LPA: variants seen among roughly 807,000 people sequenced by gnomAD.
LPA encodes the protein lipoprotein(a).
A neutral mutation model predicts 197.9 loss-of-function variants in LPA; 199 were observed. That is an observed-to-expected ratio of 1.01 (90% CI 0.90 to 1.13). LPA has a LOEUF of 1.13. LPA is among the 50% of genes most tolerant of loss of function. The pLI is 0.00. For missense variants in LPA, 1,853 were observed against 1,785.8 expected, an observed-to-expected ratio of 1.04 and a Z score of -0.68; for synonymous variants, 715 against 639.5, an observed-to-expected ratio of 1.12 and a Z score of -1.78.
chr6:160,605,182 C>T lies in LPA; in HGVS notation c.2809G>A (p.Val937Met). 1.2e-6 allele frequency: 2 copies of T among 1,613,852 alleles called. No homozygotes were observed. The highest frequency in any genetic ancestry group is 1.7e-6 in the Non-Finnish European group (2 of 1,179,884). Residue 937 changes from valine to methionine, a missense_variant, in exon 18 of 39, where the codon GTG (valine) becomes ATG (methionine). Val to Met is a conservative substitution (Grantham distance 21). Coordinates refer to ENST00000316300, the MANE Select transcript of LPA (RefSeq NM_005577.4). Reference protein sequence around the residue: ...EQAPTEQRPGVQECYHGNGQS... With the variant: ...EQAPTEQRPGMQECYHGNGQS... ...CCATTTCCGTGGTAGCACTCCTGCA[C>T]CCCAGGCCTTTGCTCAGTTGGTGCT... is the stretch of plus-strand genomic sequence containing the variant.
intron 28 of LPA, 50 bp from the exon 29 acceptor site, chr6:160,557,621 G>A: frequency 1.3e-6 from 2 of 1,523,328 alleles, no homozygotes; most frequent in Non-Finnish European, 1.8e-6. Context: ...AAAAATTCAG[G>A]GGCACCCAGC....
intron 16 of LPA, among the ~76,000 whole-genome samples, chr6:160,611,193 C>T (rs73596849): frequency 0.017 from 2,652 of 152,232 alleles, 79 homozygotes; most frequent in African/African-American, 0.059. Context: ...AAGGCAAACA[C>T]AATCTTCCCT....
At chr6:160,609,041 T>C (rs1242809741) in intron 16 of LPA, among the ~76,000 whole-genome samples, 1 of 152,176 alleles carries the variant, frequency 6.6e-6, no homozygotes, top group Non-Finnish European at 1.5e-5. Flanking sequence ...TAGTCAATAC[T>C]GTTACTTTCT....
intron 35 of LPA, among the ~76,000 whole-genome samples, chr6:160,540,899 A>T (rs1320709515): frequency 6.6e-6 from 1 of 152,056 alleles, no homozygotes; most frequent in South Asian, 2.1e-4. Context: ...TCCCTCTAGA[A>T]ACACTTCCCT....
chr6:160,602,933 CT>C (rs1343285590), intron 18 of LPA, among the ~76,000 whole-genome samples: 2 of 147,714 alleles, frequency 1.4e-5, no homozygotes, highest in Admixed American at 6.8e-5. Context: ...TGAGATGTTT[CT>C]TGTTATTATA....
At position 160,606,414 on chromosome 6, in the gene LPA, G is replaced by A. The variant is rs370298380; in HGVS notation, c.2785+63C>T. 1.7e-5 allele frequency: 27 copies of A among 1,588,072 alleles called. No individual in the cohort carries two copies. The East Asian group carries it at 5.6e-4, about 33-fold the overall frequency. On this transcript the variant is annotated intron_variant, in intron 17 of 38. Coordinates refer to ENST00000316300, the MANE Select transcript of LPA (RefSeq NM_005577.4). ...CCATTGGAGGCTGCTGCATCAGTGGGAATTTCCATGGCTTTTCATCCCAGC... is the reference window on the plus strand; with the variant it reads ...CCATTGGAGGCTGCTGCATCAGTGGAAATTTCCATGGCTTTTCATCCCAGC...
chr6:160,607,979 A>G (rs966340856), intron 16 of LPA, among the ~76,000 whole-genome samples: 1 of 152,196 alleles, frequency 6.6e-6, no homozygotes, highest in African/African-American at 2.4e-5. Context: ...GAAACTTACA[A>G]TGGTACACTT....
At chr6:160,567,538 A>C (rs1316883332) in intron 28 of LPA, among the ~76,000 whole-genome samples, 2 of 152,252 alleles carry the variant, frequency 1.3e-5, no homozygotes, top group Non-Finnish European at 2.9e-5. Context: ...CACAAGAGAA[A>C]GCAGGAAAGA....
In LPA at chr6:160,577,443, G is replaced by A. The variant is rs1467786851; in HGVS notation, c.4472-148C>T. On this transcript the variant is annotated intron_variant, in intron 27 of 38. Coordinates refer to ENST00000316300, the MANE Select transcript of LPA (RefSeq NM_005577.4). ...TAGCAAAAGGATGTGAAAAGACCCA[G>A]TAGATTCATAGTATTCTAGAATTTT... 4.5e-6 allele frequency: 3 copies of A among 670,644 alleles called. No homozygotes were observed. The African/African-American group carries it at 5.4e-5, about 12-fold the overall frequency. The allele number at this position is 670,644 out of a possible 1,614,324, so 41.5% of individuals were successfully genotyped here. A position where few individuals can be genotyped will look rare whatever the true frequency, so the allele number is the denominator to read the frequency against.
intron 28 of LPA, among the ~76,000 whole-genome samples, chr6:160,576,703 T>C (rs1216667998): frequency 7.5e-6 from 1 of 133,386 alleles, no homozygotes; most frequent in East Asian, 2.5e-4. Context: ...TATATATATA[T>C]ATATATATAT....
intron 26 of LPA, among the ~76,000 whole-genome samples, chr6:160,584,170 T>TTTCTTC (rs56164694): frequency 0.013 from 1,385 of 103,158 alleles, 33 homozygotes; most frequent in Non-Finnish European, 0.017. Flanking sequence ...TCATTTCTAT[T>TTTCTTC]TTCTTCTTCT....
At position 160,531,667 on chromosome 6, in the gene LPA, T is replaced by C; in HGVS notation, c.*62A>G. On this transcript the variant is annotated 3_prime_UTR_variant, in exon 39 of 39. Coordinates refer to ENST00000316300, the MANE Select transcript of LPA (RefSeq NM_005577.4). Reference sequence around the variant, plus strand: ...TTGCTGTCTATTATTTCCAGCATGCTAAATCCTTACCCACGTTTCAGCTTC... The same window carrying C: ...TTGCTGTCTATTATTTCCAGCATGCCAAATCCTTACCCACGTTTCAGCTTC... The C allele has an allele frequency of 1.9e-6, 3 of 1,599,456 alleles. No homozygotes were observed. The highest frequency in any genetic ancestry group is 2.6e-6 in the Non-Finnish European group (3 of 1,166,956).
intron 30 of LPA, among the ~76,000 whole-genome samples, chr6:160,553,065 GATA>G (rs1350732741): frequency 6.6e-6 from 1 of 151,890 alleles, no homozygotes; most frequent in Non-Finnish European, 1.5e-5. Flanking sequence ...TAACTTCATG[GATA>G]ATGCAAAAAA....
intron 28 of LPA, among the ~76,000 whole-genome samples, chr6:160,559,085 G>T (rs946377619): frequency 3.3e-5 from 5 of 152,026 alleles, no homozygotes; most frequent in African/African-American, 1.2e-4. Flanking sequence ...GATGATTTTG[G>T]ATCAACACCT....
Position 160,599,574 on chromosome 6 carries a change from T to C in LPA, c.3213A>G (p.Thr1071=), listed in dbSNP as rs1191320970. The change falls in exon 20 of 39, where the codon ACA becomes ACG. Residue 1071 remains threonine, a synonymous_variant. Transcript: ENST00000316300. ...ATGACCAAGCTTGGCAAGTTCTTCC[T>C]GTGACAGTGGTGGAGTATGTGCCTC... ...SYRGTYSTTV[T]GRTCQAWSSM... is the part of the protein sequence containing the mutation. The C allele has an allele frequency of 6.2e-7, 1 of 1,614,144 alleles. No individual in the cohort carries two copies. The highest frequency in any genetic ancestry group is 8.5e-7 in the Non-Finnish European group (1 of 1,179,986).
rs1206741455 is a variant in LPA, at chr6:160,577,132, A to G, written c.4631+4T>C. On this transcript the variant is annotated splice_donor_region_variant and intron_variant, in intron 28 of 38. Transcript: ENST00000316300. Reference sequence around the variant, plus strand: ...TCCTCTTATGGTTTTAATCAAATACATACGCATTTGGGTAGTTTTCTGGGG... The same window carrying G: ...TCCTCTTATGGTTTTAATCAAATACGTACGCATTTGGGTAGTTTTCTGGGG... 4 of 1,613,294 alleles carry G rather than the reference A, an allele frequency of 2.5e-6. No homozygotes were observed. The highest frequency in any genetic ancestry group is 2.5e-6 in the Non-Finnish European group (3 of 1,179,618).
Position 160,577,122 on chromosome 6 carries a change from A to T in LPA, c.4631+14T>A. 1 of 1,612,786 alleles carries T rather than the reference A, an allele frequency of 6.2e-7. No homozygotes were observed. The highest frequency in any genetic ancestry group is 1.3e-5 in the African/African-American group (1 of 75,000). On this transcript the variant is annotated intron_variant, in intron 28 of 38. Coordinates refer to ENST00000316300, the MANE Select transcript of LPA (RefSeq NM_005577.4). ...TGGCTGTTGCTCCTCTTATGGTTTT[A>T]ATCAAATACATACGCATTTGGGTAG...
At chr6:160,607,064 C>A (rs1056790609) in intron 16 of LPA, among the ~76,000 whole-genome samples, 4 of 152,106 alleles carry the variant, frequency 2.6e-5, no homozygotes, top group Non-Finnish European at 5.9e-5. Context: ...TTCTCCGTAT[C>A]TCTCTCGGTA....
chr6:160,609,999 T>A (rs1176561970), intron 16 of LPA, among the ~76,000 whole-genome samples: 1 of 152,204 alleles, frequency 6.6e-6, no homozygotes, highest in East Asian at 1.9e-4. Context: ...TCTATACTAT[T>A]AATTTGTCTT....
Sources: allele counts gnomAD v4.1 joint callset (sites outside exome capture counted in the v4.1 genomes callset), GRCh38; gene constraint gnomAD v4.1.1; transcripts MANE v1.5; gene names NCBI Gene and HGNC (gene_info 2026-07-23, HGNC 2026-07-21).